The following SHISAL1 variants were observed in gnomAD, a reference collection of about 807,000 sequenced individuals.
SHISAL1 encodes shisa like 1.
In SHISAL1, 9 loss-of-function variants were observed where a neutral mutation model predicts 22.6. The ratio of observed to expected loss-of-function variants is 0.40; its 90% CI spans 0.24 to 0.70. The LOEUF (loss-of-function observed/expected upper bound fraction) is 0.70. Among genes scored for constraint, SHISAL1 ranks in the 30% least tolerant of loss-of-function variants. The pLI, the probability that SHISAL1 is intolerant of heterozygous loss-of-function variation, is 0.39. For synonymous variants in SHISAL1, 119 were observed against 115.4 expected (o/e 1.03, Z -0.20); for missense variants, 246 against 270.6 (o/e 0.91, Z 0.64).
intron 4 of SHISAL1, among the ~76,000 whole-genome samples, chr22:44,285,133 A>G (rs1048061279): frequency 1.3e-5 from 2 of 152,170 alleles, no homozygotes; most frequent in Non-Finnish European, 2.9e-5. Context: ...CAGCTAGGTA[A>G]CCCAAAACTC....
chr22:44,263,676 G>A (rs2055142125), intron 4 of SHISAL1, among the ~76,000 whole-genome samples: 1 of 152,202 alleles, frequency 6.6e-6, no homozygotes, highest in Non-Finnish European at 1.5e-5. Flanking sequence ...GGCCATGGGA[G>A]CAGAGGTTGG....
chr22:44,263,924 A>G (rs2147275103), intron 4 of SHISAL1, among the ~76,000 whole-genome samples: 2 of 152,342 alleles, frequency 1.3e-5, no homozygotes, highest in Middle Eastern at 6.8e-3. Flanking sequence ...TACAGCAGCT[A>G]CGGGACACTC....
At chr22:44,300,753 G>C (rs981732086) in intron 2 of SHISAL1, 126 bp downstream of exon 2, 2 of 746,846 alleles carry the variant, frequency 2.7e-6, no homozygotes, top group African/African-American at 3.5e-5. Flanking sequence ...AGGGGTGCCA[G>C]TAAGGTGGAG....
intron 4 of SHISAL1, among the ~76,000 whole-genome samples, chr22:44,282,892 G>A (rs1293133761): frequency 6.6e-6 from 1 of 152,136 alleles, no homozygotes; most frequent in Non-Finnish European, 1.5e-5. Context: ...TCATTGACTG[G>A]GACACCACAT....
intron 4 of SHISAL1, among the ~76,000 whole-genome samples, chr22:44,278,405 C>G (rs1272345598): frequency 1.3e-5 from 2 of 152,188 alleles, no homozygotes; most frequent in African/African-American, 4.8e-5. Flanking sequence ...AGTTCTGTCC[C>G]TCTAGGGAAC....
At chr22:44,287,339 C>T (rs777873213) in intron 3 of SHISAL1, among the ~76,000 whole-genome samples, 4 of 152,198 alleles carry the variant, frequency 2.6e-5, no homozygotes, top group South Asian at 2.1e-4. Context: ...CGGGGAAGCT[C>T]GCTTTCGCTC....
chr22:44,329,822 G>A, the SHISAL1 span, among the ~76,000 whole-genome samples: 1 of 152,228 alleles, frequency 6.6e-6, no homozygotes. Flanking sequence ...ACCAGGACCT[G>A]AAGGTTATTT....
intron 4 of SHISAL1, among the ~76,000 whole-genome samples, chr22:44,252,255 G>T (rs1415773144): frequency 6.6e-6 from 1 of 150,746 alleles, no homozygotes; most frequent in African/African-American, 2.5e-5. Flanking sequence ...GAGGCATCAA[G>T]GTAAACAAAA....
chr22:44,281,400 C>T (rs2055275740), intron 4 of SHISAL1, among the ~76,000 whole-genome samples: 1 of 151,932 alleles, frequency 6.6e-6, no homozygotes, highest in South Asian at 2.1e-4. Context: ...CCTGGCTGGG[C>T]TGAATACTGG....
At chr22:44,298,866 A>T (rs968485445) in intron 2 of SHISAL1, among the ~76,000 whole-genome samples, 2 of 152,212 alleles carry the variant, frequency 1.3e-5, no homozygotes, top group Non-Finnish European at 2.9e-5. Context: ...GGTCAGCGCC[A>T]TGGGCTTTGG....
At chr22:44,314,679 AACT>A (rs2055546132), upstream of SHISAL1, among the ~76,000 whole-genome samples, 1 of 152,070 alleles carries the variant, frequency 6.6e-6, no homozygotes, top group African/African-American at 2.4e-5. Flanking sequence ...TTGCCTCAGC[AACT>A]GTGGGGGAGG....
chr22:44,321,574 C>A, the SHISAL1 span, among the ~76,000 whole-genome samples: 1 of 152,314 alleles, frequency 6.6e-6, no homozygotes, highest in East Asian at 1.9e-4. Flanking sequence ...TGACTGTGTT[C>A]ACGAGTCCCT....
At chr22:44,272,625 C>T (rs1289080679) in intron 4 of SHISAL1, among the ~76,000 whole-genome samples, 1 of 152,162 alleles carries the variant, frequency 6.6e-6, no homozygotes, top group Non-Finnish European at 1.5e-5. Flanking sequence ...GACTAAATAC[C>T]CAGATGTGTG....
chr22:44,251,023 G>C (rs543025067), intron 4 of SHISAL1, among the ~76,000 whole-genome samples: 15 of 152,306 alleles, frequency 9.8e-5, no homozygotes, highest in African/African-American at 2.9e-4. Context: ...CATCTCCTCT[G>C]CTTCATAGAA....
chr22:44,288,529 T>C lies in SHISAL1; in HGVS notation c.282-2784A>G, dbSNP rs546313125. ...GGTGGCGGGCGCCTGTAATCCCAGC[T>C]ACTCAGGAGGCTGAGGCAGGAGAAT... On this transcript the variant is annotated intron_variant, in intron 3 of 4. Transcript: ENST00000381176. Among the ~76,000 whole-genome samples, 3 of 152,084 alleles carry C rather than the reference T, an allele frequency of 2.0e-5. No individual in the cohort carries two copies. The South Asian group carries it at 6.2e-4, about 32-fold the overall frequency.
chr22:44,301,008 G>A, intron 1 of SHISAL1, 31 bp from the exon 2 acceptor site: 1 of 1,499,440 alleles, frequency 6.7e-7, no homozygotes, highest in Non-Finnish European at 9.3e-7. Flanking sequence ...GAGGCTGGGT[G>A]TGGGCTGTCT....
intron 1 of SHISAL1, among the ~76,000 whole-genome samples, chr22:44,306,502 A>G (rs57123178): frequency 0.019 from 1,233 of 63,566 alleles, 28 homozygotes; most frequent in African/African-American, 0.044. Flanking sequence ...TGACGATGGC[A>G]TGTGTAGAGG....
chr22:44,313,902 T>C (rs563880463), upstream of SHISAL1, among the ~76,000 whole-genome samples: 293 of 152,290 alleles, frequency 1.9e-3, 2 homozygotes, highest in African/African-American at 6.9e-3. Flanking sequence ...CAGACTGGTC[T>C]GGGTGCCCCT....
intron 2 of SHISAL1, among the ~76,000 whole-genome samples, chr22:44,297,496 C>G (rs1389324523): frequency 6.6e-6 from 1 of 152,222 alleles, no homozygotes; most frequent in Non-Finnish European, 1.5e-5. Flanking sequence ...AAACAGCAGA[C>G]CCTTCGTTCC....
Sources: gnomAD v4.1 joint callset for allele counts (sites outside exome capture counted in the v4.1 genomes callset) on GRCh38, gnomAD v4.1.1 for gene constraint, MANE v1.5 for transcripts, NCBI Gene and HGNC (gene_info 2026-07-23, HGNC 2026-07-21) for gene names.